The following NUSAP1 variants were observed in gnomAD, a reference collection of about 807,000 sequenced individuals.
The protein encoded by NUSAP1 is nucleolar and spindle-associated protein 1.
NUSAP1 carries 32 observed loss-of-function variants against 52.8 expected under a neutral mutation model. The observed-to-expected ratio is 0.61, with a 90% CI of 0.46 to 0.81. NUSAP1 has a LOEUF of 0.81. Ranked by LOEUF, NUSAP1 falls within the 40% of genes least tolerant of loss-of-function variation. The pLI is 0.00. For synonymous variants in NUSAP1, 195 were observed against 183.1 expected, an observed-to-expected ratio of 1.06 and a Z score of -0.52; for missense variants, 499 against 522.3, an observed-to-expected ratio of 0.96 and a Z score of 0.43.
intron 4 of NUSAP1, among the ~76,000 whole-genome samples, chr15:41,355,083 C>T (rs2048916236): frequency 6.6e-6 from 1 of 152,080 alleles, no homozygotes; most frequent in Non-Finnish European, 1.5e-5. Context: ...CTCCTGGACT[C>T]AAGCCATCCA....
intron 8 of NUSAP1, among the ~76,000 whole-genome samples, chr15:41,374,132 T>G (rs1373278611): frequency 1.3e-5 from 2 of 152,222 alleles, no homozygotes; most frequent in Non-Finnish European, 2.9e-5. Context: ...TTTTCTCCAT[T>G]TTAACCCTTA....
At chr15:41,355,662 T>G (rs541885049) in intron 4 of NUSAP1, among the ~76,000 whole-genome samples, 254 of 151,856 alleles carry the variant, frequency 1.7e-3, no homozygotes, top group African/African-American at 4.3e-3. Context: ...ACACGTTTTT[T>G]TTTTTGTTTT....
chr15:41,353,614 T>G (rs1488767637), intron 4 of NUSAP1, among the ~76,000 whole-genome samples: 1 of 152,150 alleles, frequency 6.6e-6, no homozygotes, highest in East Asian at 1.9e-4. Flanking sequence ...GGAAACCCAC[T>G]TGCTTGTAAA....
At chr15:41,360,077 G>C (rs1167378891) in intron 6 of NUSAP1, among the ~76,000 whole-genome samples, 1 of 151,160 alleles carries the variant, frequency 6.6e-6, no homozygotes, top group African/African-American at 2.4e-5. Flanking sequence ...TTTTGCCTCA[G>C]CCTCCCAAGT....
At chr15:41,344,879 C>T (rs1310675425) in intron 2 of NUSAP1, among the ~76,000 whole-genome samples, 2 of 152,008 alleles carry the variant, frequency 1.3e-5, no homozygotes, top group African/African-American at 4.8e-5. Flanking sequence ...ATTCAGATGT[C>T]GCAGTGAGCC....
At chr15:41,353,631 G>A (rs1016346648) in intron 4 of NUSAP1, among the ~76,000 whole-genome samples, 8 of 152,028 alleles carry the variant, frequency 5.3e-5, no homozygotes, top group African/African-American at 1.9e-4. Context: ...TAAATCAGTG[G>A]TTGAAAGAAA....
At chr15:41,355,658 T>G (rs998968439) in intron 4 of NUSAP1, among the ~76,000 whole-genome samples, 2 of 60,778 alleles carry the variant, frequency 3.3e-5, no homozygotes, top group African/African-American at 1.2e-4. Flanking sequence ...TTACACACGT[T>G]TTTTTTTTTG....
At chr15:41,370,743 C>G (rs1169404667) in intron 7 of NUSAP1, among the ~76,000 whole-genome samples, 1 of 141,412 alleles carries the variant, frequency 7.1e-6, no homozygotes, top group Non-Finnish European at 1.5e-5. Context: ...GAGCAAAACT[C>G]CATCTCAAAA....
At chr15:41,363,824 C>T (rs2049281645) in intron 6 of NUSAP1, among the ~76,000 whole-genome samples, 1 of 152,154 alleles carries the variant, frequency 6.6e-6, no homozygotes, top group Non-Finnish European at 1.5e-5. Flanking sequence ...TTCAATTACT[C>T]TTTGTGCCTT....
At chr15:41,377,353 G>T in intron 10 of NUSAP1, 49 bp downstream of exon 10, 1 of 1,001,884 alleles carries the variant, frequency 1.0e-6, no homozygotes, top group Non-Finnish European at 1.5e-6. Flanking sequence ...TTCAAAAGCA[G>T]CACCTCTGAG....
intron 7 of NUSAP1, 121 bp downstream of exon 7, chr15:41,365,710 T>C (rs1434773064): frequency 3.0e-6 from 2 of 657,618 alleles, no homozygotes; most frequent in African/African-American, 1.9e-5. Context: ...TGATGTTTCT[T>C]TTCTTTTCTT....
intron 2 of NUSAP1, chr15:41,345,694 G>A: frequency 3.8e-6 from 1 of 260,626 alleles, no homozygotes; most frequent in South Asian, 3.3e-5. Context: ...CCAACCTCAG[G>A]TGATCCTCCC....
chr15:41,362,201 T>C (rs1236004896), intron 6 of NUSAP1, among the ~76,000 whole-genome samples: 1 of 151,902 alleles, frequency 6.6e-6, no homozygotes, highest in South Asian at 2.1e-4. Context: ...CAAATACATA[T>C]ATACCTACAT....
intron 8 of NUSAP1, 78 bp from the exon 9 acceptor site, chr15:41,375,611 TATAACGTGTATTTTTAAGATTGA>T: frequency 1.2e-6 from 1 of 800,160 alleles, no homozygotes; most frequent in East Asian, 2.6e-5. Context: ...ATGCCCAGCC[TATAACGTGTATTTTTAAGATTGA>T]GAAGTAACAC....
In NUSAP1 at chr15:41,356,498, G is replaced by A. The variant is rs565755914; in HGVS notation, c.550+358G>A. On this transcript the variant is annotated intron_variant, in intron 5 of 10. Coordinates refer to ENST00000559596, the MANE Select transcript of NUSAP1 (RefSeq NM_016359.5). Reference sequence around the variant, plus strand: ...GCCTCCCTAGTAGCTGGGACTACAGGTGTGCTCCACCACGCCCAGCTGATT... The same window carrying A: ...GCCTCCCTAGTAGCTGGGACTACAGATGTGCTCCACCACGCCCAGCTGATT... Among the ~76,000 whole-genome samples, 9 of 152,034 alleles carry A rather than the reference G, an allele frequency of 5.9e-5. No individual in the cohort carries two copies. In the South Asian group the frequency reaches 1.0e-3, roughly 18 times the overall value.
chr15:41,379,195 C>A (rs2050113711), intron 10 of NUSAP1, among the ~76,000 whole-genome samples: 1 of 151,924 alleles, frequency 6.6e-6, no homozygotes, highest in Non-Finnish European at 1.5e-5. Context: ...CTCAGGTGAT[C>A]CACCCACCTT....
chr15:41,373,448 C>CTTTTTTTTT (rs763340655), intron 8 of NUSAP1, among the ~76,000 whole-genome samples: 1 of 117,296 alleles, frequency 8.5e-6, no homozygotes, highest in African/African-American at 3.3e-5. Context: ...AATTCATATT[C>CTTTTTTTTT]TTTTTTTTTT....
intron 2 of NUSAP1, chr15:41,345,365 T>TA (rs1163793638): frequency 2.2e-5 from 8 of 357,116 alleles, no homozygotes; most frequent in Non-Finnish European, 2.6e-5. Context: ...TATTCTCATG[T>TA]AAAAACCCCT....
intron 8 of NUSAP1, among the ~76,000 whole-genome samples, chr15:41,374,623 GTTCAAGGGA>G: frequency 6.6e-6 from 1 of 151,904 alleles, no homozygotes. Context: ...CGACTCCCTG[GTTCAAGGGA>G]TTCTCCTGCC....
Sources: gnomAD v4.1 joint callset for allele counts (sites outside exome capture counted in the v4.1 genomes callset) on GRCh38, gnomAD v4.1.1 for gene constraint, MANE v1.5 for transcripts, NCBI Gene and HGNC (gene_info 2026-07-23, HGNC 2026-07-21) for gene names.